DIAPH3: variants seen among roughly 807,000 people sequenced by gnomAD.
DIAPH3 encodes diaphanous related formin 3, also known as protein diaphanous homolog 3.
DIAPH3 carries 117 observed loss-of-function variants against 144.3 expected under a neutral mutation model. The observed-to-expected ratio is 0.81, with a 90% CI of 0.70 to 0.95. DIAPH3 has a LOEUF of 0.95. Ranked by LOEUF, DIAPH3 falls within the 40% of genes least tolerant of loss-of-function variation. The pLI is 0.00. For synonymous variants in DIAPH3, 519 were observed against 488.9 expected, an observed-to-expected ratio of 1.06 and a Z score of -0.81; for missense variants, 1,421 against 1,412.7, an observed-to-expected ratio of 1.01 and a Z score of -0.09.
intron 5 of DIAPH3, chr13:60,034,823 G>A (rs2055087195): frequency 6.6e-6 from 1 of 152,024 alleles, no homozygotes; most frequent in Non-Finnish European, 1.5e-5. Context: ...AGTAATATAG[G>A]GTACAAAATC....
chr13:60,062,336 G>A (rs1187866345), intron 4 of DIAPH3, among the ~76,000 whole-genome samples: 1 of 152,136 alleles, frequency 6.6e-6, no homozygotes, highest in African/African-American at 2.4e-5. Flanking sequence ...TGTTTTACAT[G>A]TTAAAAATAC....
chr13:60,160,811 A>G (rs1241697748), intron 1 of DIAPH3, among the ~76,000 whole-genome samples: 1 of 152,212 alleles, frequency 6.6e-6, no homozygotes, highest in Non-Finnish European at 1.5e-5. Context: ...CCCAAAGTCA[A>G]TTGATTCGTA....
At chr13:59,756,578 C>T (rs1456535836) in intron 27 of DIAPH3, among the ~76,000 whole-genome samples, 2 of 151,678 alleles carry the variant, frequency 1.3e-5, no homozygotes, top group Non-Finnish European at 2.9e-5. Context: ...GGGAAATCTG[C>T]TAAAGTTGCT....
At chr13:60,081,291 A>G (rs952172675) in intron 4 of DIAPH3, among the ~76,000 whole-genome samples, 6 of 152,048 alleles carry the variant, frequency 3.9e-5, no homozygotes, top group Non-Finnish European at 5.9e-5. Context: ...ACTTAAAACT[A>G]TTTGTAGGTC....
At chr13:59,831,394 TC>T (rs754456848) in intron 24 of DIAPH3, among the ~76,000 whole-genome samples, 4 of 151,764 alleles carry the variant, frequency 2.6e-5, no homozygotes, top group Non-Finnish European at 5.9e-5. Context: ...AGAAACCAGA[TC>T]CAAGTTTCCC....
rs1265471601 is a variant in DIAPH3, at chr13:60,086,351, T to C, written c.495+7277A>G. ...TTGTGCATACATAAAACCTACCCTA[T>C]ATAGGAATAAATGAAAACTGAAGTG... is the stretch of plus-strand genomic sequence containing the variant. On this transcript the variant is annotated intron_variant, in intron 4 of 27. Coordinates refer to ENST00000400324, the MANE Select transcript of DIAPH3 (RefSeq NM_001042517.2). Among the ~76,000 whole-genome samples, 4 of 152,056 alleles carry C rather than the reference T, an allele frequency of 2.6e-5. No homozygotes were observed. The East Asian group carries it at 5.8e-4, about 22-fold the overall frequency.
intron 17 of DIAPH3, among the ~76,000 whole-genome samples, chr13:59,961,704 T>G (rs555246796): frequency 2.6e-4 from 39 of 152,180 alleles, no homozygotes; most frequent in Admixed American, 5.2e-4. Context: ...GAGCAATGGC[T>G]TTAGACTCGG....
chr13:59,761,280 C>T (rs2037571059), intron 27 of DIAPH3, among the ~76,000 whole-genome samples: 1 of 152,130 alleles, frequency 6.6e-6, no homozygotes, highest in African/African-American at 2.4e-5. Context: ...CGAAAAGTCA[C>T]TTCTTTATAA....
intron 27 of DIAPH3, among the ~76,000 whole-genome samples, chr13:59,761,383 T>C (rs1037970158): frequency 6.6e-6 from 1 of 152,176 alleles, no homozygotes; most frequent in African/African-American, 2.4e-5. Flanking sequence ...ATACACATTA[T>C]CTACCAGAGT....
rs566637638 is a variant in DIAPH3 at position 59,719,906 on chromosome 13, T to TA, written c.3320-53061dup. On this transcript the variant is annotated intron_variant, in intron 27 of 27. Transcript: ENST00000400324. ...TGAATTTCTCCATTTAAATGAAGTATAAAAGTCAATGATAACTTGAGGGTT... is the reference window on the plus strand; with the variant it reads ...TGAATTTCTCCATTTAAATGAAGTATAAAAAGTCAATGATAACTTGAGGGTT... Among the ~76,000 whole-genome samples, 487 of 152,214 alleles carry TA rather than the reference T, an allele frequency of 3.2e-3. 2 individuals carry two copies. The highest frequency in any genetic ancestry group is 3.6e-3 in the Non-Finnish European group (248 of 68,012).
intron 27 of DIAPH3, among the ~76,000 whole-genome samples, chr13:59,763,328 ATG>A (rs1285130727): frequency 6.6e-6 from 1 of 151,934 alleles, no homozygotes; most frequent in Non-Finnish European, 1.5e-5. Flanking sequence ...ATATACATAT[ATG>A]TGTGTACACA....
At chr13:59,889,959 C>T (rs9538530) in intron 20 of DIAPH3, among the ~76,000 whole-genome samples, 86 of 152,072 alleles carry the variant, frequency 5.7e-4, no homozygotes, top group Non-Finnish European at 8.7e-4. Context: ...TAGGGTGTGG[C>T]CCTACTTCCT....
intron 17 of DIAPH3, among the ~76,000 whole-genome samples, chr13:59,960,331 T>C (rs1196580913): frequency 6.6e-6 from 1 of 152,220 alleles, no homozygotes; most frequent in Non-Finnish European, 1.5e-5. Context: ...AAGGCTGCGA[T>C]TGTCAAAATG....
intron 27 of DIAPH3, among the ~76,000 whole-genome samples, chr13:59,745,446 T>C (rs1201514896): frequency 2.6e-5 from 4 of 152,162 alleles, no homozygotes; most frequent in Non-Finnish European, 5.9e-5. Context: ...TTTCTCATGA[T>C]TTTAGTGGGT....
chr13:59,680,133 G>A (rs954130439), intron 27 of DIAPH3, among the ~76,000 whole-genome samples: 5 of 152,134 alleles, frequency 3.3e-5, no homozygotes, highest in African/African-American at 7.2e-5. Flanking sequence ...ATGAGGAAGA[G>A]TAATGCTGTC....
chr13:60,054,895 C>T (rs1179733099), intron 4 of DIAPH3, among the ~76,000 whole-genome samples: 11 of 151,870 alleles, frequency 7.2e-5, no homozygotes, highest in African/African-American at 2.4e-4. Context: ...ATCTCCAGTG[C>T]CAATAAAATC....
At chr13:60,118,988 A>C (rs1206193186) in intron 2 of DIAPH3, among the ~76,000 whole-genome samples, 2 of 152,146 alleles carry the variant, frequency 1.3e-5, no homozygotes, top group African/African-American at 4.8e-5. Context: ...TGTAATTGTT[A>C]ACTCTGTCTC....
At chr13:59,881,337 T>C (rs1023727624) in intron 20 of DIAPH3, among the ~76,000 whole-genome samples, 1 of 152,086 alleles carries the variant, frequency 6.6e-6, no homozygotes, top group Non-Finnish European at 1.5e-5. Context: ...TTATGGCCAT[T>C]CTGAAGGTGT....
intron 3 of DIAPH3, among the ~76,000 whole-genome samples, chr13:60,102,730 C>G (rs114719111): frequency 4.1e-4 from 63 of 152,290 alleles, no homozygotes; most frequent in African/African-American, 1.4e-3. Flanking sequence ...CTAGCAGACC[C>G]ACACTAAACC....
Sources: gnomAD v4.1 joint callset for allele counts (sites outside exome capture counted in the v4.1 genomes callset) on GRCh38, gnomAD v4.1.1 for gene constraint, MANE v1.5 for transcripts, NCBI Gene and HGNC (gene_info 2026-07-23, HGNC 2026-07-21) for gene names.